The following CLUL1 variants were observed in gnomAD, a reference collection of about 807,000 sequenced individuals.
CLUL1 encodes the protein clusterin-like protein 1.
In CLUL1, 43 loss-of-function variants were observed where a neutral mutation model predicts 49.4. The ratio of observed to expected loss-of-function variants is 0.87; its 90% CI spans 0.68 to 1.12. The LOEUF is 1.12. Ranked by LOEUF, CLUL1 falls within the 50% of genes most tolerant of loss-of-function variation. The pLI is 0.00. For synonymous variants in CLUL1, 192 were observed against 184.9 expected (o/e 1.04, Z -0.31); for missense variants, 486 against 544.4 (o/e 0.89, Z 1.07).
At chr18:636,630 T>TC (rs2074145020) in intron 7 of CLUL1, among the ~76,000 whole-genome samples, 1 of 149,206 alleles carries the variant, frequency 6.7e-6, no homozygotes, top group African/African-American at 2.5e-5. Flanking sequence ...CTCTCTTTTT[T>TC]TTTTTTTTTT....
In CLUL1 at chr18:633,417, C is replaced by T. The variant is rs1409456566; in HGVS notation, c.976C>T (p.Gln326Ter). 6.2e-7 allele frequency: 1 copy of T among 1,613,772 alleles called. No homozygotes were observed. Among genetic ancestry groups the T allele is most frequent in the East Asian group, 2.2e-5 (1 of 44,868 alleles). ...FKFHEKCQKC[Q>*]AHLSEDCPDV... Reference sequence around the variant, plus strand: ...ATTTCATGAAAAATGCCAAAAATGTCAGGCTCACCTATCTGAAGGTAAATA... The same window carrying T: ...ATTTCATGAAAAATGCCAAAAATGTTAGGCTCACCTATCTGAAGGTAAATA... Residue 326 changes from glutamine (Q) to a stop codon, truncating the protein, a stop_gained, in exon 7 of 10, where the codon CAG becomes TAG. Transcript: ENST00000692774. LOFTEE classifies it high-confidence loss of function.
chr18:642,811 C>T (rs1369664942), intron 8 of CLUL1, among the ~76,000 whole-genome samples: 1 of 152,170 alleles, frequency 6.6e-6, no homozygotes, highest in Non-Finnish European at 1.5e-5. Flanking sequence ...CAAAGATTGC[C>T]CTTGGAGCAC....
At chr18:598,636 T>A (rs746445091) in intron 1 of CLUL1, 1 of 398,374 alleles carries the variant, frequency 2.5e-6, no homozygotes, top group African/African-American at 2.1e-5. Flanking sequence ...AAAAAGTGGC[T>A]GTGGCACTGA....
intron 4 of CLUL1, among the ~76,000 whole-genome samples, chr18:620,258 T>C (rs1319925635): frequency 6.6e-6 from 1 of 152,152 alleles, no homozygotes; most frequent in East Asian, 1.9e-4. Context: ...ACCATAGTTT[T>C]CCCTTGTCAC....
chr18:619,865 A>G (rs987753878), intron 4 of CLUL1, among the ~76,000 whole-genome samples: 1 of 151,944 alleles, frequency 6.6e-6, no homozygotes, highest in Non-Finnish European at 1.5e-5. Flanking sequence ...TCCTACCACC[A>G]CGCCTGGCTA....
intron 1 of CLUL1, among the ~76,000 whole-genome samples, chr18:605,336 A>C (rs2072940800): frequency 6.6e-6 from 1 of 152,190 alleles, no homozygotes; most frequent in African/African-American, 2.4e-5. Context: ...AGTGTCAAAA[A>C]TGAAAATGAG....
intron 1 of CLUL1, among the ~76,000 whole-genome samples, chr18:601,985 C>T (rs1297905375): frequency 6.6e-6 from 1 of 152,072 alleles, no homozygotes; most frequent in Non-Finnish European, 1.5e-5. Context: ...CTTTGGGAGG[C>T]TGAGGTGGGA....
intron 1 of CLUL1, among the ~76,000 whole-genome samples, chr18:604,001 C>T (rs562732127): frequency 7.2e-5 from 11 of 152,278 alleles, no homozygotes; most frequent in African/African-American, 2.6e-4. Context: ...CCACCCCAGC[C>T]TCCTGAGTAG....
At chr18:611,322 C>A (rs987496918) in intron 2 of CLUL1, among the ~76,000 whole-genome samples, 53 of 148,520 alleles carry the variant, frequency 3.6e-4, no homozygotes, top group African/African-American at 1.3e-3. Context: ...CTTTCTGTGG[C>A]AGATTGGGAT....
chr18:629,956 T>C (rs1312587775), intron 6 of CLUL1, among the ~76,000 whole-genome samples: 3 of 152,132 alleles, frequency 2.0e-5, no homozygotes, highest in Non-Finnish European at 4.4e-5. Flanking sequence ...CCTAATGACT[T>C]GACACTTTGA....
chr18:600,424 C>A (rs1300479296), intron 1 of CLUL1, among the ~76,000 whole-genome samples: 1 of 152,130 alleles, frequency 6.6e-6, no homozygotes, highest in Non-Finnish European at 1.5e-5. Flanking sequence ...TGTTCTCAAC[C>A]ATTTTCTCGC....
chr18:610,582 C>T (rs1278203282), intron 2 of CLUL1, among the ~76,000 whole-genome samples: 1 of 152,076 alleles, frequency 6.6e-6, no homozygotes, highest in Non-Finnish European at 1.5e-5. Flanking sequence ...GAGTTTCAGG[C>T]AGTAGAAATA....
At chr18:603,966 C>T (rs1163744968) in intron 1 of CLUL1, among the ~76,000 whole-genome samples, 1 of 152,158 alleles carries the variant, frequency 6.6e-6, no homozygotes, top group East Asian at 1.9e-4. Context: ...TTGCAGCCTC[C>T]ACCTCCTGGG....
intron 1 of CLUL1, among the ~76,000 whole-genome samples, chr18:605,282 A>C (rs2072939571): frequency 6.6e-6 from 1 of 152,232 alleles, no homozygotes; most frequent in East Asian, 1.9e-4. Flanking sequence ...TAGTTTTTAA[A>C]TTACTTTTAA....
intron 2 of CLUL1, among the ~76,000 whole-genome samples, chr18:611,081 C>T (rs1337670276): frequency 6.6e-6 from 1 of 152,024 alleles, no homozygotes; most frequent in Non-Finnish European, 1.5e-5. Context: ...CTCCCTTCCT[C>T]CTGGTCTCCC....
At chr18:598,494 C>A (rs2072723634) in intron 1 of CLUL1, 1 of 398,578 alleles carries the variant, frequency 2.5e-6, no homozygotes, top group African/African-American at 2.1e-5. Flanking sequence ...CTCTAACATC[C>A]TCTAGGCAGT....
In CLUL1 at chr18:624,891, T is replaced by C; in HGVS notation, c.282T>C (p.Val94=). ...KQEALKLLNE[V]QEHLEEEERL... Reference sequence around the variant, plus strand: ...AGGCCCTGAAACTTCTGAATGAAGTTCAAGAACATCTGGAGGAAGAAGAAA... The same window carrying C: ...AGGCCCTGAAACTTCTGAATGAAGTCCAAGAACATCTGGAGGAAGAAGAAA... The change falls in exon 5 of 10, where the codon GTT becomes GTC. Residue 94 remains valine (V), a synonymous_variant. Coordinates refer to ENST00000692774, the MANE Select transcript of CLUL1 (RefSeq NM_001393344.1). 6.2e-7 allele frequency: 1 copy of C among 1,614,076 alleles called. No homozygotes were observed. Among genetic ancestry groups the C allele is most frequent in the Non-Finnish European group, 8.5e-7 (1 of 1,179,996 alleles).
rs780833495 is a variant in CLUL1, at chr18:627,420, C to A, written c.747C>A (p.Pro249=). ...KADLEQCWDI[P]NFFQLFCNFS... is the part of the protein sequence containing the mutation. Reference sequence around the variant, plus strand: ...ATCTTGAGCAATGTTGGGACATTCCCAACTTCTTCCAGCTGTTTTGTAATT... The same window carrying A: ...ATCTTGAGCAATGTTGGGACATTCCAAACTTCTTCCAGCTGTTTTGTAATT... Residue 249 remains proline (P), a synonymous_variant, in exon 6 of 10, where the codon CCC becomes CCA. Coordinates refer to ENST00000692774, the MANE Select transcript of CLUL1 (RefSeq NM_001393344.1). The A allele has an allele frequency of 6.2e-7, 1 of 1,614,022 alleles. No homozygotes were observed. The highest frequency in any genetic ancestry group is 1.7e-5 in the Admixed American group (1 of 60,020).
chr18:627,100 G>T lies in CLUL1; in HGVS notation c.427G>T (p.Glu143Ter). 6.2e-7 allele frequency: 1 copy of T among 1,604,468 alleles called. No individual in the cohort carries two copies. Among genetic ancestry groups the T allele is most frequent in the Non-Finnish European group, 8.5e-7 (1 of 1,172,302 alleles). The change falls in exon 6 of 10, where the codon GAA (glutamate) becomes TAA (stop). Residue 143 changes from glutamate (E) to a stop codon, truncating the protein, a stop_gained. Transcript: ENST00000692774. LOFTEE classifies it high-confidence loss of function. ...TGTCCCCTACTCTACTCCACAGATT[G>T]AACGGTTTTTCAGGAAGATATATCA... ...PSWSSVKNKI[E>*]RFFRKIYQFL... is the part of the protein sequence containing the mutation.
Sources: allele counts gnomAD v4.1 joint callset (sites outside exome capture counted in the v4.1 genomes callset), GRCh38; gene constraint gnomAD v4.1.1; transcripts MANE v1.5; gene names NCBI Gene and HGNC (gene_info 2026-07-23, HGNC 2026-07-21).